Variants in PPP2R2B observed in about 807,000 individuals in gnomAD.
PPP2R2B encodes the protein protein phosphatase 2 regulatory subunit Bbeta, also known as serine/threonine-protein phosphatase 2A 55 kDa regulatory subunit B beta isoform.
PPP2R2B carries 5 observed loss-of-function variants against 46.0 expected under a neutral mutation model. The observed-to-expected ratio is 0.11, with a 90% CI of 0.06 to 0.23. The LOEUF is 0.23. Ranked by LOEUF, PPP2R2B falls within the 10% of genes least tolerant of loss-of-function variation. PPP2R2B has a pLI of 1.00. For synonymous variants in PPP2R2B, 215 were observed against 206.7 expected (o/e 1.04, Z -0.34); for missense variants, 367 against 575.0 (o/e 0.64, Z 3.70).
At chr5:146,855,618 A>C (rs1185529925) in intron 2 of PPP2R2B, among the ~76,000 whole-genome samples, 1 of 152,064 alleles carries the variant, frequency 6.6e-6, no homozygotes, top group Non-Finnish European at 1.5e-5. Context: ...CCTTTTATTA[A>C]AGGGAGCTCT....
intron 1 of PPP2R2B, among the ~76,000 whole-genome samples, chr5:147,024,152 C>CTAT: frequency 9.1e-6 from 1 of 110,106 alleles, no homozygotes; most frequent in Non-Finnish European, 2.0e-5. Context: ...TAAATCCCCT[C>CTAT]CTCTATCTAT....
chr5:146,978,955 T>C (rs1046375774), intron 1 of PPP2R2B, among the ~76,000 whole-genome samples: 10 of 152,228 alleles, frequency 6.6e-5, no homozygotes, highest in African/African-American at 2.4e-4. Flanking sequence ...AAAAATCTTA[T>C]TAAAATGTTA....
At chr5:147,065,384 A>AG (rs1757388945) in intron 2 of PPP2R2B, among the ~76,000 whole-genome samples, 1 of 152,136 alleles carries the variant, frequency 6.6e-6, no homozygotes, top group African/African-American at 2.4e-5. Context: ...ATATGGCATT[A>AG]GAGGACACAT....
chr5:146,954,154 G>T (rs1158901133), intron 1 of PPP2R2B, among the ~76,000 whole-genome samples: 5 of 150,608 alleles, frequency 3.3e-5, no homozygotes, highest in African/African-American at 9.8e-5. Flanking sequence ...TCAGTTTGGG[G>T]AGCCATCAGA....
intron 5 of PPP2R2B, among the ~76,000 whole-genome samples, chr5:146,664,478 G>A (rs527516111): frequency 1.8e-4 from 27 of 151,474 alleles, no homozygotes; most frequent in African/African-American, 6.5e-4. Context: ...TGAGGCTGCA[G>A]CAATTAAGAC....
At chr5:146,810,741 T>C (rs997329994) in intron 2 of PPP2R2B, among the ~76,000 whole-genome samples, 18 of 152,060 alleles carry the variant, frequency 1.2e-4, no homozygotes, top group African/African-American at 3.9e-4. Context: ...TTTTTTATTA[T>C]ACTTTAAGTT....
At chr5:147,078,164 G>T (rs527963754) in intron 2 of PPP2R2B, among the ~76,000 whole-genome samples, 1 of 152,168 alleles carries the variant, frequency 6.6e-6, no homozygotes, top group South Asian at 2.1e-4. Context: ...ATAAGGTTTT[G>T]GTGAACACTA....
intron 7 of PPP2R2B, among the ~76,000 whole-genome samples, chr5:146,603,947 A>T (rs1772023693): frequency 6.6e-6 from 1 of 152,208 alleles, no homozygotes; most frequent in Admixed American, 6.5e-5. Context: ...CTGAGCATTC[A>T]TTTATAAGTT....
intron 7 of PPP2R2B, among the ~76,000 whole-genome samples, chr5:146,620,321 G>A (rs1277963276): frequency 6.6e-6 from 1 of 152,190 alleles, no homozygotes; most frequent in Non-Finnish European, 1.5e-5. Context: ...TTTCTTTTGT[G>A]AGGAATAATC....
At chr5:146,812,667 GTATATATATATATATATA>G (rs1186426182) in intron 2 of PPP2R2B, among the ~76,000 whole-genome samples, 2 of 638 alleles carry the variant, frequency 3.1e-3, no homozygotes, top group Non-Finnish European at 9.4e-3. Flanking sequence ...CCTCAGAAGA[GTATATATATATATATATA>G]TATATATATA....
intron 1 of PPP2R2B, among the ~76,000 whole-genome samples, chr5:147,045,581 C>T (rs925843891): frequency 3.9e-5 from 6 of 152,118 alleles, no homozygotes; most frequent in African/African-American, 1.4e-4. Context: ...CTAATCTGCT[C>T]TTAGCTCTTC....
At chr5:146,822,060 G>T (rs1434330763) in intron 2 of PPP2R2B, among the ~76,000 whole-genome samples, 4 of 152,144 alleles carry the variant, frequency 2.6e-5, no homozygotes, top group Non-Finnish European at 5.9e-5. Flanking sequence ...TTTCAAAAAT[G>T]AGTCCATCTA....
chr5:146,878,302 G>C lies in PPP2R2B; in HGVS notation c.-124-107C>G. 6.9e-7 allele frequency: 1 copy of C among 1,456,124 alleles called. No individual in the cohort carries two copies. The highest frequency in any genetic ancestry group is 2.5e-5 in the Admixed American group (1 of 39,420). 90.2% of individuals were successfully genotyped at this position (1,456,124 alleles called of 1,614,324 possible). Reference sequence around the variant, plus strand: ...GAGGCTGCGGCGGCTCCTCCCGCGCGGTGCGCTCACTCCAGCTCCAGTTCC... The same window carrying C: ...GAGGCTGCGGCGGCTCCTCCCGCGCCGTGCGCTCACTCCAGCTCCAGTTCC... On this transcript the variant is annotated intron_variant, in intron 1 of 9. Coordinates refer to ENST00000394411, the MANE Select transcript of PPP2R2B (RefSeq NM_181675.4). This position sits in a 1 kb window ranked among gnomAD's most constrained non-coding sequence, Gnocchi z 4.5.
intron 9 of PPP2R2B, 68 bp from the exon 10 acceptor site, chr5:146,590,294 A>ATGT (rs1770487786): frequency 1.3e-6 from 2 of 1,495,020 alleles, no homozygotes; most frequent in South Asian, 2.5e-5. Context: ...AAATGATACC[A>ATGT]TGTTATGGCC....
chr5:146,779,749 C>G (rs1755396854), intron 2 of PPP2R2B, among the ~76,000 whole-genome samples: 1 of 152,100 alleles, frequency 6.6e-6, no homozygotes. Context: ...ATTAGCTAGT[C>G]TGAAATGAAG....
chr5:146,834,279 T>C (rs190915326), intron 2 of PPP2R2B, among the ~76,000 whole-genome samples: 13 of 152,332 alleles, frequency 8.5e-5, no homozygotes, highest in Admixed American at 7.2e-4. Flanking sequence ...TCTCATGTTT[T>C]ATGTAGAGGA....
chr5:146,775,292 C>A (rs1200923623), intron 2 of PPP2R2B, among the ~76,000 whole-genome samples: 2 of 151,946 alleles, frequency 1.3e-5, no homozygotes, highest in Admixed American at 1.3e-4. Flanking sequence ...GATTATACAC[C>A]CTGAGCAAGT....
At chr5:146,640,706 G>A (rs975743676) in intron 6 of PPP2R2B, among the ~76,000 whole-genome samples, 1 of 152,182 alleles carries the variant, frequency 6.6e-6, no homozygotes, top group Admixed American at 6.5e-5. Context: ...TGTGTGGGAG[G>A]GGGAGGTGCT....
chr5:146,925,881 G>A (rs1376747009), intron 1 of PPP2R2B, among the ~76,000 whole-genome samples: 1 of 151,864 alleles, frequency 6.6e-6, no homozygotes, highest in African/African-American at 2.4e-5. Context: ...TTGATTTATA[G>A]TTCACTGATT....
Sources: gnomAD v4.1 joint callset for allele counts (sites outside exome capture counted in the v4.1 genomes callset) on GRCh38, gnomAD v4.1.1 for gene constraint, Gnocchi (gnomAD v3.1) non-coding constraint, MANE v1.5 for transcripts, NCBI Gene and HGNC (gene_info 2026-07-23, HGNC 2026-07-21) for gene names.